Variants in FARS2 observed in about 807,000 individuals in gnomAD.
The protein encoded by FARS2 is phenylalanine--tRNA ligase, mitochondrial.
In FARS2, 40 loss-of-function variants were observed where a neutral mutation model predicts 46.4. The ratio of observed to expected loss-of-function variants is 0.86; its 90% CI spans 0.67 to 1.12. The LOEUF is 1.12. Ranked by LOEUF, FARS2 falls within the 50% of genes most tolerant of loss-of-function variation. FARS2 has a pLI of 0.00. For synonymous variants in FARS2, 234 were observed against 214.9 expected, an observed-to-expected ratio of 1.09 and a Z score of -0.78; for missense variants, 513 against 567.9, an observed-to-expected ratio of 0.90 and a Z score of 0.98.
At chr6:5,759,207 C>G (rs187139539) in intron 6 of FARS2, among the ~76,000 whole-genome samples, 1 of 152,294 alleles carries the variant, frequency 6.6e-6, no homozygotes, top group East Asian at 1.9e-4. Flanking sequence ...CTGCCCGCCA[C>G]CCGCTCTCAC....
Position 5,477,166 on chromosome 6 carries a change from A to G in FARS2, c.904+45994A>G, listed in dbSNP as rs1236314471. ...ATGTGCCTATCATAATAATTTGTGT[A>G]TAATTCCTTTATTAGAACAAAACCA... is the stretch of plus-strand genomic sequence containing the variant. On this transcript the variant is annotated intron_variant, in intron 4 of 6. Coordinates refer to ENST00000274680, the MANE Select transcript of FARS2 (RefSeq NM_006567.5). Among the ~76,000 whole-genome samples, 3 of 152,196 alleles carry G rather than the reference A, an allele frequency of 2.0e-5. No homozygotes were observed. The East Asian group carries it at 5.8e-4, about 29-fold the overall frequency.
chr6:5,760,415 G>T (rs1455748352), intron 6 of FARS2, among the ~76,000 whole-genome samples: 2 of 152,106 alleles, frequency 1.3e-5, no homozygotes, highest in Non-Finnish European at 2.9e-5. Context: ...CATCTCAGTA[G>T]TTCTCTCTTA....
At chr6:5,289,327 G>T (rs1342239735) in intron 1 of FARS2, among the ~76,000 whole-genome samples, 5 of 152,190 alleles carry the variant, frequency 3.3e-5, no homozygotes, top group African/African-American at 1.2e-4. Flanking sequence ...AGGTGTCCAG[G>T]TTCTTGGCGT....
chr6:5,653,223 A>C (rs558324137), intron 6 of FARS2, among the ~76,000 whole-genome samples: 1 of 152,324 alleles, frequency 6.6e-6, no homozygotes, highest in South Asian at 2.1e-4. Flanking sequence ...AATGAACCTG[A>C]ATTCTCTTAC....
rs183982872 is a variant in FARS2, at chr6:5,702,583, C to T, written c.1218-68708C>T. ...TTTAATGGATTAGTGTAGGTCAGTT[C>T]TTACTGTAAACTTTAAAAGGTATAA... On this transcript the variant is annotated intron_variant, in intron 6 of 6. Transcript: ENST00000274680. Among the ~76,000 whole-genome samples the T allele has an allele frequency of 4.6e-5, 7 of 152,094 alleles. No homozygotes were observed. The East Asian group carries it at 1.2e-3, about 25-fold the overall frequency.
chr6:5,352,373 A>G (rs977344694), intron 1 of FARS2, among the ~76,000 whole-genome samples: 1 of 151,204 alleles, frequency 6.6e-6, no homozygotes, highest in African/African-American at 2.4e-5. Context: ...TTTTTCTGAA[A>G]TCTTAAACTC....
chr6:5,700,013 C>A (rs1758321609), intron 6 of FARS2, among the ~76,000 whole-genome samples: 1 of 152,176 alleles, frequency 6.6e-6, no homozygotes. Context: ...CGACTGACCT[C>A]CAGTCCCCGA....
At chr6:5,625,505 C>T (rs920672723) in intron 6 of FARS2, among the ~76,000 whole-genome samples, 1 of 152,076 alleles carries the variant, frequency 6.6e-6, no homozygotes, top group Non-Finnish European at 1.5e-5. Context: ...AGGTCAGCCC[C>T]GGGGGGAGGG....
intron 4 of FARS2, among the ~76,000 whole-genome samples, chr6:5,533,695 G>A (rs1052441759): frequency 2.6e-5 from 4 of 152,314 alleles, no homozygotes; most frequent in African/African-American, 9.6e-5. Flanking sequence ...GTTTGGGAGA[G>A]TAGGTTGATG....
intron 4 of FARS2, among the ~76,000 whole-genome samples, chr6:5,515,372 A>G (rs1451215867): frequency 6.6e-6 from 1 of 152,112 alleles, no homozygotes; most frequent in Non-Finnish European, 1.5e-5. Flanking sequence ...TCATGGGGAT[A>G]TTGCCATTTT....
intron 5 of FARS2, among the ~76,000 whole-genome samples, chr6:5,598,837 C>T (rs1774349106): frequency 6.6e-6 from 1 of 152,166 alleles, no homozygotes; most frequent in Admixed American, 6.5e-5. Context: ...AAAAGGCCTT[C>T]CTTCTGTGAG....
chr6:5,365,396 A>G (rs951186321), intron 1 of FARS2, among the ~76,000 whole-genome samples: 1 of 133,316 alleles, frequency 7.5e-6, no homozygotes, highest in Non-Finnish European at 1.5e-5. Flanking sequence ...CAGTGGTGCA[A>G]TCCTGGCTTA....
chr6:5,702,984 T>C (rs1217697713), intron 6 of FARS2, among the ~76,000 whole-genome samples: 1 of 152,196 alleles, frequency 6.6e-6, no homozygotes, highest in African/African-American at 2.4e-5. Flanking sequence ...TGCTTTGGTT[T>C]TGTGGATATC....
chr6:5,687,375 A>G (rs1757321528), intron 6 of FARS2, among the ~76,000 whole-genome samples: 1 of 152,310 alleles, frequency 6.6e-6, no homozygotes, highest in East Asian at 1.9e-4. Flanking sequence ...TAATTTTTGT[A>G]TAAGGTGTAA....
intron 4 of FARS2, among the ~76,000 whole-genome samples, chr6:5,511,164 G>A (rs1768429215): frequency 6.6e-6 from 1 of 152,228 alleles, no homozygotes; most frequent in Non-Finnish European, 1.5e-5. Context: ...AGGGACAGAA[G>A]TAAGAACAAG....
chr6:5,564,303 C>T (rs1465110224), intron 5 of FARS2, among the ~76,000 whole-genome samples: 2 of 151,928 alleles, frequency 1.3e-5, no homozygotes, highest in Non-Finnish European at 2.9e-5. Flanking sequence ...TTTATTTTCC[C>T]AAACAAAGAA....
At chr6:5,726,229 T>G (rs1760246708) in intron 6 of FARS2, among the ~76,000 whole-genome samples, 1 of 152,100 alleles carries the variant, frequency 6.6e-6, no homozygotes, top group African/African-American at 2.4e-5. Context: ...CATCAGGGGT[T>G]ACAATACACG....
At chr6:5,673,610 T>G (rs912954295) in intron 6 of FARS2, among the ~76,000 whole-genome samples, 49 of 152,136 alleles carry the variant, frequency 3.2e-4, no homozygotes, top group African/African-American at 1.2e-3. Flanking sequence ...TCTGTGGAAG[T>G]GAGGGACAGA....
chr6:5,516,707 T>C (rs1768818893), intron 4 of FARS2, among the ~76,000 whole-genome samples: 1 of 152,228 alleles, frequency 6.6e-6, no homozygotes, highest in Admixed American at 6.5e-5. Context: ...ATAGGTATCA[T>C]GTTATAAGGA....
Sources: gnomAD v4.1 joint callset for allele counts (sites outside exome capture counted in the v4.1 genomes callset) on GRCh38, gnomAD v4.1.1 for gene constraint, MANE v1.5 for transcripts, NCBI Gene and HGNC (gene_info 2026-07-23, HGNC 2026-07-21) for gene names.